The following DPH1 variants were observed in gnomAD, a reference collection of about 807,000 sequenced individuals.
DPH1 encodes diphthamide biosynthesis 1.
Under a neutral mutation model 55.3 loss-of-function variants are expected in DPH1, and 59 were observed. The ratio of observed to expected loss-of-function variants is 1.07; its 90% CI spans 0.87 to 1.33. The LOEUF (loss-of-function observed/expected upper bound fraction) is 1.33. Ranked by LOEUF, DPH1 falls within the 40% of genes most tolerant of loss-of-function variation. The pLI is 0.00. For synonymous variants in DPH1, 238 were observed against 235.5 expected (o/e 1.01, Z -0.10); for missense variants, 628 against 584.8 (o/e 1.07, Z -0.76).
At position 2,030,205 on chromosome 17, in the gene DPH1, G is replaced by C. The variant is rs1036777488; in HGVS notation, c.36G>C (p.Gln12His). 2 of 1,598,202 alleles carry C rather than the reference G, an allele frequency of 1.3e-6. No individual in the cohort carries two copies. The highest frequency in any genetic ancestry group is 1.7e-6 in the Non-Finnish European group (2 of 1,173,494). ...AALVVSGAAE[Q>H]GGRDGPGRGR... ...TGGTCGTATCCGGGGCAGCGGAGCA[G>C]GGCGGCCGAGACGGCCCTGGCAGAG... The change falls in exon 1 of 13, where the codon CAG (glutamine) becomes CAC (histidine). Residue 12 changes from glutamine (Q) to histidine (H), a missense_variant. Physicochemically the swap from Gln to His is conservative, Grantham distance 24. Coordinates refer to ENST00000263083, the MANE Select transcript of DPH1 (RefSeq NM_001383.6).
rs373312616 is a variant in DPH1, at chr17:2,036,491, G to T, written c.401-38G>T. 194 of 1,609,230 alleles carry T rather than the reference G, an allele frequency of 1.2e-4. 1 individual carries two copies. Among genetic ancestry groups the T allele is most frequent in the Non-Finnish European group, 8.2e-5 (97 of 1,176,868 alleles). Reference sequence around the variant, plus strand: ...CCTGGCCGGGCCCTCTGCTGCTCCTGCCTTCCCAAACAGCCCCTGAACTCC... The same window carrying T: ...CCTGGCCGGGCCCTCTGCTGCTCCTTCCTTCCCAAACAGCCCCTGAACTCC... On this transcript the variant is annotated intron_variant, in intron 4 of 12. Coordinates refer to ENST00000263083, the MANE Select transcript of DPH1 (RefSeq NM_001383.6). The surrounding 1 kb of genome is among the most constrained non-coding windows in gnomAD (Gnocchi z 4.8).
rs910527593 is a variant in DPH1 at position 2,036,976 on chromosome 17, C to T, written c.680+20C>T. On this transcript the variant is annotated intron_variant, in intron 6 of 12. Coordinates refer to ENST00000263083, the MANE Select transcript of DPH1 (RefSeq NM_001383.6). The surrounding 1 kb of genome is among the most constrained non-coding windows in gnomAD (Gnocchi z 4.8). ...CGTTGTGTAAGTTAAAAATGGGGGC[C>T]AAGTAAGTCCTAGAGACATGCGTGT... 6.2e-7 allele frequency: 1 copy of T among 1,608,834 alleles called. No homozygotes were observed. The highest frequency in any genetic ancestry group is 1.1e-5 in the South Asian group (1 of 90,310).
intron 12 of DPH1, 181 bp downstream of exon 12, chr17:2,042,056 G>C: frequency 2.6e-6 from 4 of 1,534,198 alleles, no homozygotes; most frequent in Non-Finnish European, 3.5e-6. Flanking sequence ...TAATGGCCGC[G>C]CAGCGACCCC....
chr17:2,039,881 T>TA (rs1432220633), intron 7 of DPH1, 58 bp downstream of exon 7: 1 of 1,609,618 alleles, frequency 6.2e-7, no homozygotes, highest in Non-Finnish European at 8.5e-7. Flanking sequence ...TCCCTGCCAC[T>TA]GAGGTCCTCA....
chr17:2,039,823 G>T lies in DPH1; in HGVS notation c.749G>T (p.Arg250Leu). ...GCCAACCCCAATGTCCCCGCTTACC[G>T]GTATGGGCTGGGCCGGGCTGGGCTG... ...MIANPNVPAYRYDPYSKVLSR... is the reference protein window; with the variant it reads ...MIANPNVPAYLYDPYSKVLSR... The change falls in exon 7 of 13, where the codon CGG becomes CTG. Residue 250 changes from arginine to leucine, a missense_variant and splice_region_variant. Coordinates refer to ENST00000263083, the MANE Select transcript of DPH1 (RefSeq NM_001383.6). The T allele has an allele frequency of 6.2e-7, 1 of 1,614,096 alleles. No individual in the cohort carries two copies. Among genetic ancestry groups the T allele is most frequent in the Non-Finnish European group, 8.5e-7 (1 of 1,180,040 alleles).
Position 2,036,781 on chromosome 17 carries a change from G to C in DPH1, c.559-54G>C. On this transcript the variant is annotated intron_variant, in intron 5 of 12. Transcript: ENST00000263083. This position sits in a 1 kb window ranked among gnomAD's most constrained non-coding sequence, Gnocchi z 4.8. ...CCCAGGTGCTCCAGGCTGTTTCTCA[G>C]CCCTGGCTCTCCTGCCCCAGCCGCT... is the stretch of plus-strand genomic sequence containing the variant. 3 of 1,607,868 alleles carry C rather than the reference G, an allele frequency of 1.9e-6. No homozygotes were observed. Among genetic ancestry groups the C allele is most frequent in the Non-Finnish European group, 2.6e-6 (3 of 1,176,456 alleles).
In DPH1 at chr17:2,033,666, G is replaced by A. The variant is rs1298914591; in HGVS notation, c.214+9G>A. 1 of 1,613,806 alleles carries A rather than the reference G, an allele frequency of 6.2e-7. No homozygotes were observed. The highest frequency in any genetic ancestry group is 1.3e-5 in the African/African-American group (1 of 74,944). On this transcript the variant is annotated intron_variant, in intron 2 of 12. Transcript: ENST00000263083. ...AGCCCAGGCCAAGAAGGGTGAGCCTGTGATCATTGAGCTGGGGTTGGGGTG... is the reference window on the plus strand; with the variant it reads ...AGCCCAGGCCAAGAAGGGTGAGCCTATGATCATTGAGCTGGGGTTGGGGTG...
intron 9 of DPH1, 46 bp from the exon 10 acceptor site, chr17:2,041,057 C>T (rs915301730): frequency 9.7e-6 from 15 of 1,553,598 alleles, no homozygotes; most frequent in African/African-American, 2.7e-5. Context: ...GCTGCCTGGG[C>T]GACGAGGAGG....
At chr17:2,042,202 C>T (rs752196726) in intron 12 of DPH1, 32 of 1,434,452 alleles carry the variant, frequency 2.2e-5, no homozygotes, top group African/African-American at 7.5e-5. Context: ...CCCGACCCCC[C>T]GGGCCCCGAG....
rs781380582 is a variant in DPH1 at position 2,033,766 on chromosome 17, G to T, written c.215-13G>T. ...CTAGCCCTCCACCTCTCATGTCTCT[G>T]CTCGTCTTGCAGTGGCCTTGCAAAT... On this transcript the variant is annotated splice_polypyrimidine_tract_variant and intron_variant, in intron 2 of 12. Coordinates refer to ENST00000263083, the MANE Select transcript of DPH1 (RefSeq NM_001383.6). 1 of 1,614,130 alleles carries T rather than the reference G, an allele frequency of 6.2e-7. No individual in the cohort carries two copies. Among genetic ancestry groups the T allele is most frequent in the Non-Finnish European group, 8.5e-7 (1 of 1,179,968 alleles).
rs779777575 is a variant in DPH1, at chr17:2,042,639, G to A, written c.*53G>A. ...CTCCGGAGGAGCAGCCTCGAGGCTG[G>A]TGGTTTTCAGAGCAGGAGGCCGACG... On this transcript the variant is annotated 3_prime_UTR_variant, in exon 13 of 13. Transcript: ENST00000263083. The A allele has an allele frequency of 6.6e-7, 1 of 1,521,016 alleles. No individual in the cohort carries two copies. Among genetic ancestry groups the A allele is most frequent in the Admixed American group, 2.3e-5 (1 of 44,188 alleles). The allele number at this position is 1,521,016 out of a possible 1,614,324, so 94.2% of individuals were successfully genotyped here. A position where few individuals can be genotyped will look rare whatever the true frequency, so the allele number is the denominator to read the frequency against.
rs575915097 is a variant in DPH1, at chr17:2,040,031, G to A, written c.750-187G>A. On this transcript the variant is annotated intron_variant, in intron 7 of 12. Coordinates refer to ENST00000263083, the MANE Select transcript of DPH1 (RefSeq NM_001383.6). ...GGGTTTACACGGAGATCTTAAAGCC[G>A]CCCACTCTTGTCTGCTCCAGCTGTG... 3.2e-4 allele frequency among the ~76,000 whole-genome samples: 48 copies of A among 152,304 alleles called. No homozygotes were observed. The South Asian group carries it at 8.9e-3, about 28-fold the overall frequency.
chr17:2,037,843 C>A (rs2067449682), intron 6 of DPH1, among the ~76,000 whole-genome samples: 1 of 152,194 alleles, frequency 6.6e-6, no homozygotes, highest in Non-Finnish European at 1.5e-5. Context: ...CACACTGCTT[C>A]CTAGCTGTTT....
chr17:2,036,243 G>T lies in DPH1; in HGVS notation c.400+152G>T. ...GTGGCCTCTGCCTTCCCGCTCTGCAGGTAGATCTTTCCTTTGGATTTGGTT... is the reference window on the plus strand; with the variant it reads ...GTGGCCTCTGCCTTCCCGCTCTGCATGTAGATCTTTCCTTTGGATTTGGTT... On this transcript the variant is annotated intron_variant, in intron 4 of 12. Transcript: ENST00000263083. The surrounding 1 kb of genome is among the most constrained non-coding windows in gnomAD (Gnocchi z 4.8). The T allele has an allele frequency of 1.5e-6, 2 of 1,376,844 alleles. No individual in the cohort carries two copies. Among genetic ancestry groups the T allele is most frequent in the Non-Finnish European group, 1.9e-6 (2 of 1,037,720 alleles). 85.3% of individuals were successfully genotyped at this position (1,376,844 alleles called of 1,614,324 possible). A position where few individuals can be genotyped will look rare whatever the true frequency, so the allele number is the denominator to read the frequency against.
chr17:2,035,889 G>A, intron 3 of DPH1, 81 bp from the exon 4 acceptor site: 1 of 1,583,152 alleles, frequency 6.3e-7, no homozygotes, highest in Non-Finnish European at 8.6e-7. Flanking sequence ...GCTGGGCCCT[G>A]AGACACCCTC....
intron 12 of DPH1, chr17:2,042,372 AC>A (rs1267493781): frequency 7.8e-7 from 1 of 1,289,368 alleles, no homozygotes; most frequent in Non-Finnish European, 1.0e-6. Context: ...CGCGACCCAT[AC>A]CCTCTTTGCT....
upstream of DPH1, chr17:2,030,114 G>C: frequency 6.4e-7 from 1 of 1,565,680 alleles, no homozygotes; most frequent in Middle Eastern, 1.7e-4. Context: ...CGCAATGTCT[G>C]CGCTCTCCGC....
At chr17:2,030,369 C>A in intron 1 of DPH1, 139 bp downstream of exon 1, 1 of 1,079,842 alleles carries the variant, frequency 9.3e-7, no homozygotes, top group Non-Finnish European at 1.3e-6. Flanking sequence ...GGGCCGCTGT[C>A]ACCAGCTCGG....
chr17:2,042,187 C>T, intron 12 of DPH1: 1 of 1,436,748 alleles, frequency 7.0e-7, no homozygotes, highest in Admixed American at 2.8e-5. Flanking sequence ...GGCCCGCACC[C>T]GGTCCCCGAC....
Sources: gnomAD v4.1 joint callset for allele counts (sites outside exome capture counted in the v4.1 genomes callset) on GRCh38, gnomAD v4.1.1 for gene constraint, Gnocchi (gnomAD v3.1) non-coding constraint, MANE v1.5 for transcripts, NCBI Gene and HGNC (gene_info 2026-07-23, HGNC 2026-07-21) for gene names.